SPIDR: variants seen among roughly 807,000 people sequenced by gnomAD.
SPIDR encodes the protein scaffold protein involved in DNA repair, also known as DNA repair-scaffolding protein.
Under a neutral mutation model 104.6 loss-of-function variants are expected in SPIDR, and 93 were observed. The observed-to-expected ratio is 0.89, with a 90% CI of 0.75 to 1.06. SPIDR has a LOEUF of 1.06. Among genes scored for constraint, SPIDR ranks in the 50% least tolerant of loss-of-function variants. SPIDR has a pLI of 0.00. For missense variants in SPIDR, 1,154 were observed against 1,111.2 expected (o/e 1.04, Z -0.55); for synonymous variants, 431 against 416.9 (o/e 1.03, Z -0.41).
chr8:47,673,929 T>G lies in SPIDR; in HGVS notation c.1673T>G (p.Val558Gly), dbSNP rs1164040028. 1.2e-6 allele frequency: 2 copies of G among 1,613,908 alleles called. No homozygotes were observed. Among genetic ancestry groups the G allele is most frequent in the Admixed American group, 3.3e-5 (2 of 59,978 alleles). Residue 558 changes from valine to glycine, a missense_variant, in exon 11 of 20, where the codon GTC becomes GGC. Physicochemically the swap from Val to Gly is moderately radical, Grantham distance 109 (BLOSUM62 -3). Transcript: ENST00000297423. ...SLVGMKVLQKVTRGRTAGIFS... is the reference protein window; with the variant it reads ...SLVGMKVLQKGTRGRTAGIFS... ...GTGGGAATGAAGGTTCTACAGAAAG[T>G]CACCAGAGGAAGGTGAGAACGTGCA...
intron 5 of SPIDR, among the ~76,000 whole-genome samples, chr8:47,325,132 G>A (rs934113064): frequency 3.3e-5 from 5 of 152,106 alleles, no homozygotes; most frequent in Non-Finnish European, 7.4e-5. Context: ...ACACAATTTA[G>A]CCTATAATAG....
intron 5 of SPIDR, among the ~76,000 whole-genome samples, chr8:47,385,232 C>G (rs10111629): frequency 0.015 from 2,240 of 152,174 alleles, 61 homozygotes; most frequent in African/African-American, 0.05. Context: ...ATGTGTTCTT[C>G]TGTATTTTTT....
At chr8:47,559,164 A>G (rs1175193715) in intron 8 of SPIDR, among the ~76,000 whole-genome samples, 2 of 152,218 alleles carry the variant, frequency 1.3e-5, no homozygotes, top group Non-Finnish European at 2.9e-5. Context: ...TCAACTGTAT[A>G]ATATAAAAGG....
At chr8:47,398,112 T>C (rs2061448561) in intron 6 of SPIDR, among the ~76,000 whole-genome samples, 1 of 152,138 alleles carries the variant, frequency 6.6e-6, no homozygotes, top group Non-Finnish European at 1.5e-5. Context: ...AAAAAGAATG[T>C]AATTTGTAAT....
chr8:47,406,009 T>C (rs2062705081), intron 6 of SPIDR, among the ~76,000 whole-genome samples: 1 of 152,124 alleles, frequency 6.6e-6, no homozygotes, highest in African/African-American at 2.4e-5. Context: ...TGCTTTTACC[T>C]TTCATCCTGT....
At chr8:47,624,584 T>C (rs2065718241) in intron 10 of SPIDR, among the ~76,000 whole-genome samples, 1 of 152,122 alleles carries the variant, frequency 6.6e-6, no homozygotes, top group African/African-American at 2.4e-5. Context: ...AAATACAAAC[T>C]ACCATCAGAG....
chr8:47,308,589 AAG>A (rs1165616418), intron 5 of SPIDR, among the ~76,000 whole-genome samples: 1 of 151,738 alleles, frequency 6.6e-6, no homozygotes, highest in Non-Finnish European at 1.5e-5. Context: ...AAAAGGGAAA[AAG>A]AGAAAAACTA....
intron 10 of SPIDR, among the ~76,000 whole-genome samples, chr8:47,632,391 C>T (rs543736040): frequency 6.6e-6 from 1 of 152,228 alleles, no homozygotes; most frequent in African/African-American, 2.4e-5. Flanking sequence ...CACAGCCCAT[C>T]TTGTGCATAA....
chr8:47,547,283 C>A, intron 8 of SPIDR: 1 of 588,322 alleles, frequency 1.7e-6, no homozygotes, highest in South Asian at 1.4e-5. Context: ...CCCTTGGTGT[C>A]ATAGATGAGA....
intron 14 of SPIDR, among the ~76,000 whole-genome samples, chr8:47,712,400 C>T (rs1281518040): frequency 2.0e-5 from 3 of 152,104 alleles, no homozygotes; most frequent in Non-Finnish European, 4.4e-5. Flanking sequence ...TGGATTCAGC[C>T]TGAGGATGTC....
At chr8:47,653,041 TGTC>T (rs2071973899) in intron 10 of SPIDR, among the ~76,000 whole-genome samples, 1 of 152,178 alleles carries the variant, frequency 6.6e-6, no homozygotes, top group South Asian at 2.1e-4. Flanking sequence ...TATAAGCAAC[TGTC>T]TTCTCATTCT....
chr8:47,292,994 A>G (rs1586458748), intron 4 of SPIDR, among the ~76,000 whole-genome samples: 1 of 152,014 alleles, frequency 6.6e-6, no homozygotes, highest in South Asian at 2.1e-4. Context: ...GAGAAGGTTC[A>G]GCAACCTGGA....
chr8:47,418,122 A>G (rs1183952871), intron 7 of SPIDR, among the ~76,000 whole-genome samples: 3 of 152,170 alleles, frequency 2.0e-5, no homozygotes, highest in Non-Finnish European at 4.4e-5. Context: ...TTTTGGTTCC[A>G]TATGAACTTT....
At chr8:47,319,169 G>C (rs1358591074) in intron 5 of SPIDR, among the ~76,000 whole-genome samples, 1 of 152,114 alleles carries the variant, frequency 6.6e-6, no homozygotes. Flanking sequence ...AAAGAGTCAA[G>C]ACCCATCAGT....
chr8:47,312,155 T>C lies in SPIDR; in HGVS notation c.525+18125T>C, dbSNP rs184137468. Among the ~76,000 whole-genome samples, 185 of 152,350 alleles carry C rather than the reference T, an allele frequency of 1.2e-3. 2 individuals carry two copies. The highest frequency in any genetic ancestry group is 2.9e-3 in the Admixed American group (45 of 15,298). On this transcript the variant is annotated intron_variant, in intron 5 of 19. Coordinates refer to ENST00000297423, the MANE Select transcript of SPIDR (RefSeq NM_001080394.4). ...TTGGGTTGGTTCCAAGTCTTTGCTA[T>C]TGTGAATAGTGCCGCAGTAAACATA...
intron 11 of SPIDR, among the ~76,000 whole-genome samples, chr8:47,681,041 C>G (rs562496311): frequency 6.6e-6 from 1 of 152,120 alleles, no homozygotes; most frequent in Admixed American, 6.6e-5. Flanking sequence ...CCAGCCTGGA[C>G]GAAAGAGCAA....
At chr8:47,658,272 G>A (rs1307122038) in intron 10 of SPIDR, among the ~76,000 whole-genome samples, 2 of 151,798 alleles carry the variant, frequency 1.3e-5, no homozygotes, top group Non-Finnish European at 2.9e-5. Context: ...TGCAAAATCA[G>A]CTGGGCATAG....
chr8:47,419,906 A>G (rs1435043159), intron 7 of SPIDR, among the ~76,000 whole-genome samples: 2 of 152,094 alleles, frequency 1.3e-5, no homozygotes, highest in African/African-American at 4.8e-5. Flanking sequence ...CAGGTTGTTC[A>G]GTTTCCATGT....
chr8:47,599,839 T>A (rs2062044427), intron 10 of SPIDR, among the ~76,000 whole-genome samples: 2 of 152,228 alleles, frequency 1.3e-5, no homozygotes, highest in Admixed American at 1.3e-4. Flanking sequence ...GCCTTTTTTC[T>A]TTTTGCAATC....
Sources: allele counts gnomAD v4.1 joint callset (sites outside exome capture counted in the v4.1 genomes callset), GRCh38; gene constraint gnomAD v4.1.1; transcripts MANE v1.5; gene names NCBI Gene and HGNC (gene_info 2026-07-23, HGNC 2026-07-21).